AIG1: variants seen among roughly 807,000 people sequenced by gnomAD.
AIG1 encodes the protein androgen-induced gene 1 protein.
AIG1 carries 23 observed loss-of-function variants against 31.4 expected under a neutral mutation model. The ratio of observed to expected loss-of-function variants is 0.73; its 90% confidence interval spans 0.53 to 1.04. AIG1 has a LOEUF of 1.04. Ranked by LOEUF, AIG1 falls within the 50% of genes least tolerant of loss-of-function variation. AIG1 has a pLI of 0.00. For missense variants in AIG1, 274 were observed against 295.0 expected, an observed-to-expected ratio of 0.93 and a Z score of 0.52; for synonymous variants, 100 against 110.5, an observed-to-expected ratio of 0.90 and a Z score of 0.60.
At chr6:143,316,371 C>T (rs1209750915) in intron 4 of AIG1, among the ~76,000 whole-genome samples, 2 of 152,044 alleles carry the variant, frequency 1.3e-5, no homozygotes, top group Admixed American at 1.3e-4. Flanking sequence ...TCACTGGAAA[C>T]AAAATTTTTG....
intron 3 of AIG1, among the ~76,000 whole-genome samples, chr6:143,204,774 G>T (rs1562487624): frequency 6.6e-6 from 1 of 152,068 alleles, no homozygotes; most frequent in East Asian, 1.9e-4. Flanking sequence ...ATGGGGGAGG[G>T]ACATGTCCAC....
At chr6:143,205,840 C>A (rs1474868379) in intron 3 of AIG1, among the ~76,000 whole-genome samples, 1 of 152,184 alleles carries the variant, frequency 6.6e-6, no homozygotes, top group East Asian at 1.9e-4. Context: ...TAATAAAATA[C>A]AGATTGCAGG....
chr6:143,255,472 T>A (rs1795314676), intron 3 of AIG1, among the ~76,000 whole-genome samples: 1 of 152,290 alleles, frequency 6.6e-6, no homozygotes. Context: ...GGTGTCTCTG[T>A]CTTGTCCTAT....
chr6:143,079,779 C>CTTTTTTTTT (rs78637706), intron 1 of AIG1, among the ~76,000 whole-genome samples: 5 of 106,972 alleles, frequency 4.7e-5, no homozygotes, highest in Admixed American at 1.9e-4. Flanking sequence ...GGATAGATTC[C>CTTTTTTTTT]TTTTTTTTTT....
At chr6:143,295,565 A>T (rs1232330658) in intron 4 of AIG1, among the ~76,000 whole-genome samples, 1 of 152,018 alleles carries the variant, frequency 6.6e-6, no homozygotes. Flanking sequence ...CAAAGCTTTC[A>T]CTTTCTTTGT....
At chr6:143,197,047 G>A (rs1376378056) in intron 3 of AIG1, among the ~76,000 whole-genome samples, 3 of 152,126 alleles carry the variant, frequency 2.0e-5, no homozygotes, top group East Asian at 1.9e-4. Flanking sequence ...ATGAATGTGT[G>A]TGTGGTTTCC....
intron 3 of AIG1, among the ~76,000 whole-genome samples, chr6:143,227,021 C>T (rs904824082): frequency 1.6e-5 from 2 of 122,722 alleles, no homozygotes; most frequent in Non-Finnish European, 3.3e-5. Flanking sequence ...CATCAGCTAT[C>T]GTTAGTGTTT....
chr6:143,136,067 C>G (rs367739913), intron 1 of AIG1, among the ~76,000 whole-genome samples: 7 of 152,106 alleles, frequency 4.6e-5, no homozygotes, highest in African/African-American at 1.7e-4. Context: ...GATCTAAATG[C>G]TTCCATTCAT....
At chr6:143,170,944 C>T (rs1204928250) in intron 3 of AIG1, among the ~76,000 whole-genome samples, 1 of 151,676 alleles carries the variant, frequency 6.6e-6, no homozygotes, top group Non-Finnish European at 1.5e-5. Context: ...ATGAAGGAAG[C>T]CTGCAGGACA....
At chr6:143,287,230 T>C (rs925497448) in intron 4 of AIG1, among the ~76,000 whole-genome samples, 1 of 152,154 alleles carries the variant, frequency 6.6e-6, no homozygotes, top group South Asian at 2.1e-4. Flanking sequence ...CTCCTTGGTG[T>C]CTGATATAAG....
chr6:143,182,223 A>G (rs887346447), intron 3 of AIG1, among the ~76,000 whole-genome samples: 1 of 152,236 alleles, frequency 6.6e-6, no homozygotes, highest in Admixed American at 6.5e-5. Context: ...TTGTAGAGCC[A>G]GGTTCTCACT....
rs1452021206 is a variant in AIG1 at position 143,091,404 on chromosome 6, A to G, written c.141+30338A>G. On this transcript the variant is annotated intron_variant, in intron 1 of 5. Transcript: ENST00000357847. ...AACCAGGGTCTCTGCTCTGCTTTCA[A>G]AGAAGTTTCGATCTGACAGTGCAAC... 1.3e-4 allele frequency among the ~76,000 whole-genome samples: 20 copies of G among 152,244 alleles called. 1 individual carries two copies. Among genetic ancestry groups the G allele is most frequent in the Admixed American group, 1.3e-3 (20 of 15,290 alleles).
intron 4 of AIG1, among the ~76,000 whole-genome samples, chr6:143,312,330 T>C (rs926036090): frequency 3.3e-5 from 5 of 150,640 alleles, no homozygotes; most frequent in African/African-American, 9.9e-5. Context: ...GATATATTAA[T>C]GAAAACAGCA....
In AIG1 at chr6:143,334,386, G is replaced by A. The variant is rs1008335057; in HGVS notation, c.679+941G>A. Among the ~76,000 whole-genome samples the A allele has an allele frequency of 2.6e-5, 4 of 152,180 alleles. No individual in the cohort carries two copies. The highest frequency in any genetic ancestry group is 1.9e-4 in the East Asian group (1 of 5,194). ...AGCTCAATGGAATCAGACAAATAAC[G>A]CACAGTGAGTGCATGGTTACTGTGC... On this transcript the variant is annotated intron_variant, in intron 5 of 5. Transcript: ENST00000357847. The surrounding 1 kb of genome is among the most constrained non-coding windows in gnomAD (Gnocchi z 5.1).
chr6:143,300,049 C>T (rs1583789372), intron 4 of AIG1, among the ~76,000 whole-genome samples: 1 of 152,282 alleles, frequency 6.6e-6, no homozygotes, highest in Non-Finnish European at 1.5e-5. Context: ...AGATGAGCCC[C>T]ATGTCTGGCA....
intron 1 of AIG1, among the ~76,000 whole-genome samples, chr6:143,132,393 A>G (rs1012955458): frequency 1.3e-5 from 2 of 152,100 alleles, no homozygotes; most frequent in African/African-American, 2.4e-5. Flanking sequence ...GACTTAAAAG[A>G]TATTGTTTCA....
Position 143,177,441 on chromosome 6 carries a change from C to T in AIG1, c.399+12258C>T, listed in dbSNP as rs151133047. ...TGCCTCTTCTGATTTTATGGAGTAG[C>T]TTTCATAGGGAAAAATGTTTTTCTG... On this transcript the variant is annotated intron_variant, in intron 3 of 5. Transcript: ENST00000357847. Among the ~76,000 whole-genome samples, 838 of 152,284 alleles carry T rather than the reference C, an allele frequency of 5.5e-3. 11 individuals are homozygous for T. The highest frequency in any genetic ancestry group is 0.017 in the African/African-American group (697 of 41,550).
Position 143,082,094 on chromosome 6 carries a change from T to A in AIG1, c.141+21028T>A, listed in dbSNP as rs543965981. ...CCTCGGAAGTTAGGAATTCCCTTTC[T>A]CTCCATATTGCTGCATGGGCATGGA... On this transcript the variant is annotated intron_variant, in intron 1 of 5. Transcript: ENST00000357847. Among the ~76,000 whole-genome samples, 91 of 152,312 alleles carry A rather than the reference T, an allele frequency of 6.0e-4. 1 individual carries two copies. Among genetic ancestry groups the A allele is most frequent in the African/African-American group, 2.1e-3 (88 of 41,572 alleles).
At chr6:143,075,759 C>G (rs1490819741) in intron 1 of AIG1, among the ~76,000 whole-genome samples, 2 of 151,972 alleles carry the variant, frequency 1.3e-5, no homozygotes, top group African/African-American at 4.8e-5. Context: ...AAAATTTTAC[C>G]CTAGGCACCA....
Sources: gnomAD v4.1 joint callset for allele counts (sites outside exome capture counted in the v4.1 genomes callset) on GRCh38, gnomAD v4.1.1 for gene constraint, Gnocchi (gnomAD v3.1) non-coding constraint, MANE v1.5 for transcripts, NCBI Gene and HGNC (gene_info 2026-07-23, HGNC 2026-07-21) for gene names.